The following MAP4K1 variants were observed in gnomAD, a reference collection of about 807,000 sequenced individuals.
MAP4K1 encodes MAPK/ERK kinase kinase kinase 1.
A neutral mutation model predicts 122.8 loss-of-function variants in MAP4K1; 35 were observed. The ratio of observed to expected loss-of-function variants is 0.29; its 90% CI spans 0.22 to 0.38. MAP4K1 has a LOEUF of 0.38. Ranked by LOEUF, MAP4K1 falls within the 10% of genes least tolerant of loss-of-function variation. MAP4K1 has a pLI of 1.00. For synonymous variants in MAP4K1, 412 were observed against 421.3 expected (o/e 0.98, Z 0.27); for missense variants, 791 against 1,072.6 (o/e 0.74, Z 3.67).
chr19:38,599,347 C>CAAAA (rs35011527), intron 22 of MAP4K1, among the ~76,000 whole-genome samples: 5 of 39,444 alleles, frequency 1.3e-4, no homozygotes, highest in Admixed American at 5.4e-4. Context: ...GACTCGGTCT[C>CAAAA]AAAAAAAAAA....
At chr19:38,607,273 G>C (rs1599712052) in intron 16 of MAP4K1, among the ~76,000 whole-genome samples, 1 of 151,914 alleles carries the variant, frequency 6.6e-6, no homozygotes, top group Non-Finnish European at 1.5e-5. Context: ...TAAGAAGATG[G>C]AAGGAGGCCA....
intron 19 of MAP4K1, among the ~76,000 whole-genome samples, chr19:38,602,957 C>CACATACAT (rs1555810387): frequency 7.7e-6 from 1 of 129,168 alleles, no homozygotes; most frequent in Admixed American, 8.5e-5. Context: ...TATATACACA[C>CACATACAT]ATATACACAT....
intron 9 of MAP4K1, among the ~76,000 whole-genome samples, 159 bp downstream of exon 9, chr19:38,612,452 A>T (rs1169798657): frequency 6.6e-6 from 1 of 152,110 alleles, no homozygotes; most frequent in African/African-American, 2.4e-5. Flanking sequence ...ATAAAATATT[A>T]AATTAAATTT....
chr19:38,612,596 C>A lies in MAP4K1; in HGVS notation c.665+15G>T, dbSNP rs914908509. On this transcript the variant is annotated intron_variant, in intron 9 of 30. Coordinates refer to ENST00000396857, the MANE Select transcript of MAP4K1 (RefSeq NM_001042600.3). ...AGACAGGATCTCTGGGCCTGGGGAC[C>A]CCACGCCTGCCTACCTGAGAGGGTG... is the stretch of plus-strand genomic sequence containing the variant. The A allele has an allele frequency of 1.1e-5, 17 of 1,608,980 alleles. No homozygotes were observed. Among genetic ancestry groups the A allele is most frequent in the Non-Finnish European group, 1.4e-5 (17 of 1,178,990 alleles).
rs200403622 is a variant in MAP4K1 at position 38,599,999 on chromosome 19, G to C, written c.1609-14C>G. 2 of 1,614,186 alleles carry C rather than the reference G, an allele frequency of 1.2e-6. No homozygotes were observed. Among genetic ancestry groups the C allele is most frequent in the East Asian group, 2.2e-5 (1 of 44,874 alleles). ...GCTAGGAAAGAGCTGCAGGGAATGG[G>C]AGAGATGGCTCTGGTGACACCCCAG... is the stretch of plus-strand genomic sequence containing the variant. On this transcript the variant is annotated splice_polypyrimidine_tract_variant and intron_variant, in intron 21 of 30. Coordinates refer to ENST00000396857, the MANE Select transcript of MAP4K1 (RefSeq NM_001042600.3).
intron 29 of MAP4K1, 62 bp downstream of exon 29, chr19:38,595,423 C>T (rs1251134411): frequency 6.4e-7 from 1 of 1,566,124 alleles, no homozygotes; most frequent in African/African-American, 1.4e-5. Context: ...CGGAGCCCAT[C>T]TGATGAATGT....
chr19:38,589,368 C>T lies in MAP4K1; in HGVS notation c.2397-1551G>A, dbSNP rs866451206. On this transcript the variant is annotated intron_variant, in intron 30 of 30. Transcript: ENST00000396857. ...TGGGTGAAAATCTGATGAGAAACAA[C>T]GTATTTACAGACTATTTACCTCGTC... 2.5e-4 allele frequency: 52 copies of T among 211,706 alleles called. No homozygotes were observed. In the Middle Eastern group the frequency reaches 3.4e-3, roughly 14 times the overall value. The allele number at this position is 211,706 out of a possible 1,614,324, so 13.1% of individuals were successfully genotyped here. A position where few individuals can be genotyped will look rare whatever the true frequency, so the allele number is the denominator to read the frequency against.
intron 16 of MAP4K1, 34 bp from the exon 17 acceptor site, chr19:38,606,249 G>A: frequency 2.5e-6 from 3 of 1,210,586 alleles, no homozygotes; most frequent in East Asian, 2.4e-5. Context: ...TAGCTGGGGG[G>A]CTGGGGAACA....
chr19:38,602,869 TGTACA>T (rs1400121966), intron 19 of MAP4K1, among the ~76,000 whole-genome samples: 1 of 148,452 alleles, frequency 6.7e-6, no homozygotes. Flanking sequence ...TATATACACA[TGTACA>T]TATATACTTA....
Position 38,609,907 on chromosome 19 carries a change from A to T in MAP4K1, c.927+2T>A. The T allele has an allele frequency of 6.2e-7, 1 of 1,612,750 alleles. No individual in the cohort carries two copies. The highest frequency in any genetic ancestry group is 8.5e-7 in the Non-Finnish European group (1 of 1,178,706). ...AGTGCTCTTGTCAGCCAAGGCTCTC[A>T]CCTCGGGCTCCTCATCCTCAATGTC... On this transcript the variant is annotated splice_donor_variant, in intron 12 of 30. Transcript: ENST00000396857. LOFTEE classifies it high-confidence loss of function.
At chr19:38,599,802 AC>A (rs1909781704) in intron 22 of MAP4K1, 122 bp downstream of exon 22, 1 of 903,248 alleles carries the variant, frequency 1.1e-6, no homozygotes, top group South Asian at 1.4e-5. Context: ...TGGGATTTGA[AC>A]CTAGGACTTT....
chr19:38,609,819 A>G, intron 12 of MAP4K1, 90 bp downstream of exon 12: 1 of 1,347,656 alleles, frequency 7.4e-7, no homozygotes, highest in Non-Finnish European at 1.1e-6. Context: ...TTTCCCCCTA[A>G]GAGAGGCAGC....
intron 8 of MAP4K1, 56 bp from the exon 9 acceptor site, chr19:38,612,798 AG>A: frequency 6.3e-7 from 1 of 1,592,776 alleles, no homozygotes; most frequent in Non-Finnish European, 8.6e-7. Flanking sequence ...GAAGGGAAGG[AG>A]GGGCAGAGAA....
At chr19:38,610,372 ATTTTTTT>A (rs35103992) in intron 11 of MAP4K1, among the ~76,000 whole-genome samples, 16 of 76,174 alleles carry the variant, frequency 2.1e-4, no homozygotes, top group East Asian at 4.0e-4. Context: ...CGCCCAGCTA[ATTTTTTT>A]TTTTTTTTTT....
chr19:38,596,500 A>G lies in MAP4K1; in HGVS notation c.1942-14T>C. The G allele has an allele frequency of 3.9e-6, 6 of 1,530,780 alleles. No homozygotes were observed. Among genetic ancestry groups the G allele is most frequent in the Non-Finnish European group, 5.3e-6 (6 of 1,139,346 alleles). 94.8% of individuals were successfully genotyped at this position (1,530,780 alleles called of 1,614,324 possible). On this transcript the variant is annotated splice_polypyrimidine_tract_variant and intron_variant, in intron 25 of 30. Transcript: ENST00000396857. ...GAACAGCACCTGCTGCGGGCCGCAC[A>G]GGGAGGGGCGGGCTAGGGGGTGGTT...
At position 38,607,302 on chromosome 19, in the gene MAP4K1, T is replaced by C. The variant is rs953151404; in HGVS notation, c.1157+562A>G. Among the ~76,000 whole-genome samples, 5 of 152,142 alleles carry C rather than the reference T, an allele frequency of 3.3e-5. No individual in the cohort carries two copies. The South Asian group carries it at 1.0e-3, about 32-fold the overall frequency. On this transcript the variant is annotated intron_variant, in intron 16 of 30. Coordinates refer to ENST00000396857, the MANE Select transcript of MAP4K1 (RefSeq NM_001042600.3). ...GAGGCCAAGTGCAGTGGCTCACACC[T>C]GTAATCGCAGCACTTTGGGAGGCTG... is the stretch of plus-strand genomic sequence containing the variant.
chr19:38,590,385 AAAAAAAAAAAT>A (rs1476715053), intron 30 of MAP4K1, among the ~76,000 whole-genome samples: 50 of 78,316 alleles, frequency 6.4e-4, no homozygotes, highest in Non-Finnish European at 9.9e-4. Flanking sequence ...AAAAAAAAAA[AAAAAAAAAAAT>A]ATATATATAT....
chr19:38,605,785 C>CA, intron 17 of MAP4K1, 55 bp from the exon 18 acceptor site: 1 of 1,533,668 alleles, frequency 6.5e-7, no homozygotes, highest in Non-Finnish European at 8.8e-7. Flanking sequence ...TCAGAGAGGG[C>CA]ACCCTTTTGC....
intron 16 of MAP4K1, 22 bp from the exon 17 acceptor site, chr19:38,606,237 A>C: frequency 7.2e-7 from 1 of 1,386,288 alleles, no homozygotes; most frequent in South Asian, 1.3e-5. Flanking sequence ...AGATGGGTTA[A>C]ATAGCTGGGG....
Sources: gnomAD v4.1 joint callset for allele counts (sites outside exome capture counted in the v4.1 genomes callset) on GRCh38, gnomAD v4.1.1 for gene constraint, MANE v1.5 for transcripts, NCBI Gene and HGNC (gene_info 2026-07-23, HGNC 2026-07-21) for gene names.